The following ZFHX3 variants were observed in gnomAD, a reference collection of about 807,000 sequenced individuals.
ZFHX3 encodes zinc finger homeobox protein 3.
ZFHX3 carries 42 observed loss-of-function variants against 279.1 expected under a neutral mutation model. The observed-to-expected ratio is 0.15, with a 90% CI of 0.12 to 0.19. The LOEUF is 0.19. Ranked by LOEUF, ZFHX3 falls within the 10% of genes least tolerant of loss-of-function variation. ZFHX3 has a pLI of 1.00. For missense variants in ZFHX3, 4,981 were observed against 4,754.0 expected (o/e 1.05, Z -1.40); for synonymous variants, 2,293 against 1,957.8 (o/e 1.17, Z -4.52).
At chr16:72,909,669 G>A (rs905796881) in intron 3 of ZFHX3, among the ~76,000 whole-genome samples, 2 of 152,064 alleles carry the variant, frequency 1.3e-5, no homozygotes, top group Non-Finnish European at 2.9e-5. Flanking sequence ...TTGAGCTCAG[G>A]AGTTCGAGAC....
intron 4 of ZFHX3, among the ~76,000 whole-genome samples, chr16:73,294,782 G>C (rs1007215593): frequency 6.7e-6 from 1 of 149,206 alleles, no homozygotes; most frequent in Non-Finnish European, 1.5e-5. Context: ...ACTGCACTCC[G>C]GCCTGGGCAA....
chr16:73,642,622 T>C (rs1006927166), intron 2 of ZFHX3, among the ~76,000 whole-genome samples: 1 of 152,162 alleles, frequency 6.6e-6, no homozygotes, highest in Non-Finnish European at 1.5e-5. Context: ...GTGTGTTCCT[T>C]TATGTGTTAA....
At chr16:73,090,830 G>T (rs111418905) in intron 8 of ZFHX3, among the ~76,000 whole-genome samples, 2,985 of 150,616 alleles carry the variant, frequency 0.02, 92 homozygotes, top group African/African-American at 0.07. Flanking sequence ...AGAATCACTT[G>T]AGCCCAAGAG....
In ZFHX3 at chr16:73,765,514, C is replaced by T. The variant is rs183216147; in HGVS notation, c.-1607-85274G>A. On this transcript the variant is annotated intron_variant, in intron 1 of 17. Coordinates refer to the ZFHX3 transcript ENST00000641206. ...GAGGCTAGTTAAGGCTGTGGATCAA[C>T]TGTTCATGGCTCTTGGGCCCAATGC... 4.6e-3 allele frequency among the ~76,000 whole-genome samples: 696 copies of T among 152,280 alleles called. 3 individuals carry two copies. The highest frequency in any genetic ancestry group is 7.5e-3 in the Non-Finnish European group (507 of 68,020).
intron 5 of ZFHX3, among the ~76,000 whole-genome samples, chr16:73,164,753 C>T (rs1009561979): frequency 6.6e-6 from 1 of 151,616 alleles, no homozygotes; most frequent in African/African-American, 2.4e-5. Flanking sequence ...TTGGCTATTG[C>T]CAACACTTCC....
intron 2 of ZFHX3, among the ~76,000 whole-genome samples, chr16:73,560,174 C>T (rs1447317748): frequency 6.6e-6 from 1 of 152,198 alleles, no homozygotes; most frequent in Non-Finnish European, 1.5e-5. Context: ...TCATAAGATG[C>T]TGAAGATTTC....
At chr16:73,268,224 T>C (rs1011760054) in intron 4 of ZFHX3, among the ~76,000 whole-genome samples, 12 of 152,200 alleles carry the variant, frequency 7.9e-5, no homozygotes, top group African/African-American at 2.7e-4. Context: ...TTGGCCTCAA[T>C]TGGTTTTGCT....
chr16:73,531,164 G>T (rs2019795365), intron 2 of ZFHX3, among the ~76,000 whole-genome samples: 1 of 152,084 alleles, frequency 6.6e-6, no homozygotes, highest in Non-Finnish European at 1.5e-5. Context: ...AGTCTAATTG[G>T]TTTTGGGCTC....
At chr16:73,414,851 A>T (rs2017539995) in intron 3 of ZFHX3, among the ~76,000 whole-genome samples, 1 of 152,182 alleles carries the variant, frequency 6.6e-6, no homozygotes, top group Non-Finnish European at 1.5e-5. Flanking sequence ...AAACAAAACA[A>T]AACAAGAGGC....
chr16:73,521,387 T>G (rs1053922626), intron 2 of ZFHX3, among the ~76,000 whole-genome samples: 1 of 152,214 alleles, frequency 6.6e-6, no homozygotes, highest in African/African-American at 2.4e-5. Context: ...ATAATGATAG[T>G]AATGATCATT....
intron 1 of ZFHX3, among the ~76,000 whole-genome samples, chr16:73,036,123 C>G (rs570046663): frequency 6.6e-6 from 1 of 152,330 alleles, no homozygotes; most frequent in Non-Finnish European, 1.5e-5. Flanking sequence ...CACGCGTGCG[C>G]GCGCATAGAC....
intron 1 of ZFHX3, among the ~76,000 whole-genome samples, chr16:72,980,948 A>G (rs577082922): frequency 7.2e-5 from 11 of 152,212 alleles, no homozygotes; most frequent in African/African-American, 2.4e-4. Flanking sequence ...ACTTTTATAC[A>G]GTAATTTTTT....
rs762234849 is a variant in ZFHX3, at chr16:73,565,253, C to CA, written c.-1546-108996dup. ...TGAGCAACAGAGCCAGACCCCATCTCAAAAAAAAAAAAAGACATTACCCTC... is the reference window on the plus strand; with the variant it reads ...TGAGCAACAGAGCCAGACCCCATCTCAAAAAAAAAAAAAAGACATTACCCTC... On this transcript the variant is annotated intron_variant, in intron 2 of 17. Coordinates refer to the ZFHX3 transcript ENST00000641206. 7.8e-3 allele frequency among the ~76,000 whole-genome samples: 1,033 copies of CA among 132,764 alleles called. 11 individuals are homozygous for CA. Among genetic ancestry groups the CA allele is most frequent in the African/African-American group, 0.019 (700 of 36,052 alleles). The allele number at this position is 132,764 out of a possible 152,430, so 87.1% of individuals were successfully genotyped here. A position where few individuals can be genotyped will look rare whatever the true frequency, so the allele number is the denominator to read the frequency against.
At chr16:73,255,555 A>G (rs2013638851) in intron 5 of ZFHX3, among the ~76,000 whole-genome samples, 1 of 152,192 alleles carries the variant, frequency 6.6e-6, no homozygotes, top group African/African-American at 2.4e-5. Flanking sequence ...TAAGGCTCCA[A>G]TTCCCTTTAT....
intron 4 of ZFHX3, chr16:73,293,820 G>C (rs1347436554): frequency 6.6e-6 from 1 of 152,186 alleles, no homozygotes; most frequent in East Asian, 1.9e-4. Flanking sequence ...TACTGGCAAA[G>C]TCAACGTGGA....
intron 4 of ZFHX3, among the ~76,000 whole-genome samples, chr16:72,845,600 T>C (rs1210564511): frequency 7.2e-5 from 11 of 152,178 alleles, no homozygotes; most frequent in Admixed American, 2.6e-4. Context: ...GAGCCTGTGT[T>C]CTGGCTGCCA....
At chr16:73,855,493 G>T (rs925364315) in intron 1 of ZFHX3, among the ~76,000 whole-genome samples, 3 of 150,490 alleles carry the variant, frequency 2.0e-5, no homozygotes, top group African/African-American at 7.5e-5. Flanking sequence ...GTAACACGGG[G>T]TTTTTTCCAG....
intron 3 of ZFHX3, among the ~76,000 whole-genome samples, chr16:73,410,011 G>T (rs2017435440): frequency 6.6e-6 from 1 of 152,148 alleles, no homozygotes; most frequent in African/African-American, 2.4e-5. Context: ...CAGGTGGGAA[G>T]TGGGGATGGT....
At chr16:73,052,933 G>T (rs549298081), upstream of ZFHX3, among the ~76,000 whole-genome samples, 1 of 152,158 alleles carries the variant, frequency 6.6e-6, no homozygotes, top group South Asian at 2.1e-4. Context: ...GGCCACGGAA[G>T]GGGGGAGAGG....
Sources: allele counts gnomAD v4.1 joint callset (sites outside exome capture counted in the v4.1 genomes callset), GRCh38; gene constraint gnomAD v4.1.1; transcripts MANE v1.5; gene names NCBI Gene and HGNC (gene_info 2026-07-23, HGNC 2026-07-21).